The following CPSF2 variants were observed in gnomAD, a reference collection of about 807,000 sequenced individuals.
CPSF2 encodes cleavage and polyadenylation specific factor 2.
In CPSF2, 51 loss-of-function variants were observed where a neutral mutation model predicts 84.2. The observed-to-expected ratio is 0.61, with a 90% confidence interval of 0.48 to 0.77. The LOEUF is 0.77. Among genes scored for constraint, CPSF2 ranks in the 30% least tolerant of loss-of-function variants. The pLI, the probability that CPSF2 is intolerant of heterozygous loss-of-function variation, is 0.00. For missense variants in CPSF2, 641 were observed against 929.4 expected (o/e 0.69, Z 4.03); for synonymous variants, 286 against 311.9 (o/e 0.92, Z 0.87).
chr14:92,133,087 C>T (rs370201082), intron 3 of CPSF2, among the ~76,000 whole-genome samples: 18 of 148,592 alleles, frequency 1.2e-4, no homozygotes, highest in African/African-American at 4.0e-4. Context: ...GAGACTACAT[C>T]TCCAAAAGAA....
At chr14:92,146,451 G>A (rs2069145396) in intron 9 of CPSF2, among the ~76,000 whole-genome samples, 1 of 152,198 alleles carries the variant, frequency 6.6e-6, no homozygotes, top group Non-Finnish European at 1.5e-5. Flanking sequence ...AACCTGAGAG[G>A]TGGAGATTGC....
chr14:92,154,956 G>A (rs549047280), intron 10 of CPSF2, among the ~76,000 whole-genome samples, 167 bp from the exon 11 acceptor site: 2 of 152,244 alleles, frequency 1.3e-5, no homozygotes, highest in East Asian at 3.9e-4. Context: ...AATCTTATGG[G>A]ACCTCTGTTG....
At chr14:92,124,288 T>A (rs1481030609) in intron 1 of CPSF2, among the ~76,000 whole-genome samples, 1 of 152,262 alleles carries the variant, frequency 6.6e-6, no homozygotes, top group African/African-American at 2.4e-5. Context: ...TTTGTTTTTT[T>A]AGGATGGTCT....
chr14:92,148,438 T>C (rs748521481), intron 9 of CPSF2, among the ~76,000 whole-genome samples: 1 of 152,144 alleles, frequency 6.6e-6, no homozygotes, highest in Non-Finnish European at 1.5e-5. Context: ...ATTGATACCA[T>C]CCTACCATTT....
intron 2 of CPSF2, among the ~76,000 whole-genome samples, chr14:92,127,937 AG>A (rs1293787521): frequency 2.6e-5 from 4 of 152,130 alleles, no homozygotes; most frequent in Non-Finnish European, 5.9e-5. Context: ...GGGTGGAGGG[AG>A]GGATGGGTGA....
chr14:92,155,685 T>C (rs1403134811), intron 11 of CPSF2, among the ~76,000 whole-genome samples: 1 of 151,972 alleles, frequency 6.6e-6, no homozygotes, highest in East Asian at 1.9e-4. Flanking sequence ...TCCCAACACT[T>C]TGGGAGGCCG....
intron 8 of CPSF2, 126 bp from the exon 9 acceptor site, chr14:92,142,878 A>T: frequency 1.2e-6 from 1 of 823,354 alleles, no homozygotes; most frequent in Non-Finnish European, 1.9e-6. Context: ...GCTGCTTGTC[A>T]AAACAGTACA....
rs1567020883 is a variant in CPSF2, at chr14:92,142,344, A to G, written c.842A>G (p.Lys281Arg). 2 of 1,610,772 alleles carry G rather than the reference A, an allele frequency of 1.2e-6. No homozygotes were observed. Among genetic ancestry groups the G allele is most frequent in the Non-Finnish European group, 1.7e-6 (2 of 1,177,880 alleles). ...NVSYNVVEFS[K>R]SQVEWMSDKL... ...AGTTACAATGTGGTGGAGTTTTCTAAGTCCCAGGTTTGTTCTCATGTTGTC... is the reference window on the plus strand; with the variant it reads ...AGTTACAATGTGGTGGAGTTTTCTAGGTCCCAGGTTTGTTCTCATGTTGTC... The change falls in exon 8 of 16, where the codon AAG (lysine) becomes AGG (arginine). Residue 281 changes from lysine to arginine, a missense_variant. Lys to Arg is a conservative substitution (Grantham distance 26, BLOSUM62 2). This residue lies in a region of CPSF2 where 211 missense variants were observed against 375.7 expected (regional missense o/e 0.56). Transcript: ENST00000298875.
At chr14:92,126,217 T>A (rs2141448579) in intron 2 of CPSF2, 37 bp downstream of exon 2, 2 of 152,362 alleles carry the variant, frequency 1.3e-5, no homozygotes, top group East Asian at 3.9e-4. Flanking sequence ...ATAGCTTTAT[T>A]ATGAATAATT....
At chr14:92,153,291 A>G (rs1293082112) in intron 9 of CPSF2, among the ~76,000 whole-genome samples, 2 of 152,020 alleles carry the variant, frequency 1.3e-5, no homozygotes, top group Non-Finnish European at 2.9e-5. Flanking sequence ...CTTTTTAAGT[A>G]TCTTGTGCTT....
chr14:92,126,934 A>G (rs553920980), intron 2 of CPSF2, among the ~76,000 whole-genome samples: 1 of 152,304 alleles, frequency 6.6e-6, no homozygotes, highest in East Asian at 1.9e-4. Flanking sequence ...TCCTGTACTC[A>G]GAGAGCTCTC....
intron 4 of CPSF2, 37 bp downstream of exon 4, chr14:92,134,207 C>T (rs756029510): frequency 8.1e-6 from 13 of 1,610,982 alleles, no homozygotes; most frequent in Non-Finnish European, 1.1e-5. Flanking sequence ...GTTAGCACTC[C>T]TTCAGTGATT....
At chr14:92,127,581 A>ATG (rs2068858846) in intron 2 of CPSF2, among the ~76,000 whole-genome samples, 1 of 152,178 alleles carries the variant, frequency 6.6e-6, no homozygotes, top group South Asian at 2.1e-4. Flanking sequence ...CCCAAAAATG[A>ATG]TGTAGTGGTT....
At position 92,167,006 on chromosome 14, in the gene CPSF2, T is replaced by G. The variant is rs2069455940; in HGVS notation, c.*5262T>G. The G allele has an allele frequency of 1.8e-5, 2 of 111,060 alleles. No individual in the cohort carries two copies. The highest frequency in any genetic ancestry group is 3.4e-5 in the Non-Finnish European group (2 of 58,434). The allele number at this position is 111,060 out of a possible 1,614,324, so 6.9% of individuals were successfully genotyped here. On this transcript the variant is annotated 3_prime_UTR_variant, in exon 16 of 16. Transcript: ENST00000298875. The stretch of plus-strand genomic sequence containing the variant: ...AGTTTAGATTCTGCTTATCGATTTC[T>G]TTTTTTTCTTTTTTTTTTTTTTTGA...
chr14:92,133,940 A>G (rs888776248), intron 3 of CPSF2, 71 bp from the exon 4 acceptor site: 13 of 1,510,248 alleles, frequency 8.6e-6, no homozygotes, highest in African/African-American at 4.1e-5. Context: ...GAATTGGTGA[A>G]TAATTTTGAA....
At chr14:92,139,719 AGTGGAGAT>A (rs2069049848) in intron 7 of CPSF2, among the ~76,000 whole-genome samples, 2 of 150,574 alleles carry the variant, frequency 1.3e-5, no homozygotes, top group Admixed American at 1.3e-4. Context: ...TTATATTTTT[AGTGGAGAT>A]GGGGTTTCGC....
At chr14:92,138,555 G>A (rs768073113) in intron 7 of CPSF2, among the ~76,000 whole-genome samples, 11 of 151,846 alleles carry the variant, frequency 7.2e-5, no homozygotes, top group African/African-American at 2.4e-4. Flanking sequence ...TCAGCCTCCC[G>A]AGTAGCTGGG....
At position 92,138,367 on chromosome 14, in the gene CPSF2, C is replaced by CTTA. The variant is rs557268674; in HGVS notation, c.661+35_661+37dup. ...TTCTGAGTACGTATTCTTTCACGTC[C>CTTA]TTATTATTATTATTATTTTGTAACT... On this transcript the variant is annotated intron_variant, in intron 7 of 15. Coordinates refer to ENST00000298875, the MANE Select transcript of CPSF2 (RefSeq NM_017437.3). 2.0e-5 allele frequency: 23 copies of CTTA among 1,158,586 alleles called. No homozygotes were observed. The highest frequency in any genetic ancestry group is 3.1e-5 in the South Asian group (2 of 63,758). The allele number at this position is 1,158,586 out of a possible 1,614,324, so 71.8% of individuals were successfully genotyped here.
At position 92,161,800 on chromosome 14, in the gene CPSF2, T is replaced by C. The variant is rs1394773263; in HGVS notation, c.*56T>C. 2.0e-6 allele frequency: 2 copies of C among 985,184 alleles called. No homozygotes were observed. The highest frequency in any genetic ancestry group is 1.7e-5 in the African/African-American group (1 of 58,486). The allele number at this position is 985,184 out of a possible 1,614,324, so 61.0% of individuals were successfully genotyped here. A position where few individuals can be genotyped will look rare whatever the true frequency, so the allele number is the denominator to read the frequency against. Reference sequence around the variant, plus strand: ...CCTTTCTAAGAAAAAGGGATTCTTATCTTACTCTGAGCTTTTGATGTTTTG... The same window carrying C: ...CCTTTCTAAGAAAAAGGGATTCTTACCTTACTCTGAGCTTTTGATGTTTTG... On this transcript the variant is annotated 3_prime_UTR_variant, in exon 16 of 16. Coordinates refer to ENST00000298875, the MANE Select transcript of CPSF2 (RefSeq NM_017437.3).
Sources: gnomAD v4.1 joint callset for allele counts (sites outside exome capture counted in the v4.1 genomes callset) on GRCh38, gnomAD v4.1.1 for gene constraint, gnomAD v4.1.1 regional missense constraint, MANE v1.5 for transcripts, NCBI Gene and HGNC (gene_info 2026-07-23, HGNC 2026-07-21) for gene names.